ADAMTS6: variants seen among roughly 807,000 people sequenced by gnomAD.
ADAMTS6 encodes the protein ADAM metallopeptidase with thrombospondin type 1 motif 6, also known as A disintegrin and metalloproteinase with thrombospondin motifs 6.
Under a neutral mutation model 144.3 loss-of-function variants are expected in ADAMTS6, and 23 were observed. That is an observed-to-expected ratio of 0.16 (90% CI 0.11 to 0.23). The LOEUF (loss-of-function observed/expected upper bound fraction) is 0.23. Among genes scored for constraint, ADAMTS6 ranks in the 10% least tolerant of loss-of-function variants. ADAMTS6 has a pLI of 1.00. For missense variants in ADAMTS6, 999 were observed against 1,379.6 expected, an observed-to-expected ratio of 0.72 and a Z score of 4.37; for synonymous variants, 444 against 457.5, an observed-to-expected ratio of 0.97 and a Z score of 0.38.
intron 21 of ADAMTS6, among the ~76,000 whole-genome samples, chr5:65,191,043 G>A (rs1413426290): frequency 1.3e-5 from 2 of 152,028 alleles, no homozygotes; most frequent in African/African-American, 2.4e-5. Flanking sequence ...TAGACTTGGT[G>A]GCAAAAACAT....
At chr5:65,323,237 G>C (rs999658789) in intron 9 of ADAMTS6, among the ~76,000 whole-genome samples, 12 of 149,920 alleles carry the variant, frequency 8.0e-5, no homozygotes, top group African/African-American at 2.4e-4. Flanking sequence ...TTTAGCATTA[G>C]GTATATCTCC....
At chr5:65,423,108 G>A (rs1756212498) in intron 7 of ADAMTS6, among the ~76,000 whole-genome samples, 1 of 152,202 alleles carries the variant, frequency 6.6e-6, no homozygotes, top group Non-Finnish European at 1.5e-5. Flanking sequence ...ATAAATGGGA[G>A]CTAAGCAATG....
At chr5:65,441,747 C>G in intron 7 of ADAMTS6, among the ~76,000 whole-genome samples, 1 of 148,010 alleles carries the variant, frequency 6.8e-6, no homozygotes, top group Admixed American at 6.8e-5. Context: ...CACAGTGGAA[C>G]TAAATTAGAA....
chr5:65,372,448 G>T (rs1420977266), intron 7 of ADAMTS6, among the ~76,000 whole-genome samples: 1 of 151,528 alleles, frequency 6.6e-6, no homozygotes, highest in Non-Finnish European at 1.5e-5. Context: ...AAAGGCAGGG[G>T]TTGCAATCCT....
chr5:65,288,714 C>T (rs1345481308), intron 11 of ADAMTS6, among the ~76,000 whole-genome samples: 2 of 152,136 alleles, frequency 1.3e-5, no homozygotes, highest in Admixed American at 1.3e-4. Context: ...GATGTATCTC[C>T]TCTCAAAAAT....
chr5:65,259,788 T>C (rs55963623), intron 14 of ADAMTS6, among the ~76,000 whole-genome samples: 91,496 of 152,066 alleles, frequency 0.6, 28,902 homozygotes, highest in African/African-American at 0.81. Context: ...TGAAAAAAAT[T>C]CAGAAGTGAA....
At position 65,381,252 on chromosome 5, in the gene ADAMTS6, A is replaced by G. The variant is rs577826138; in HGVS notation, c.1074-47167T>C. On this transcript the variant is annotated intron_variant, in intron 7 of 24. Coordinates refer to ENST00000381055, the MANE Select transcript of ADAMTS6 (RefSeq NM_197941.4). Reference sequence around the variant, plus strand: ...TAAATGGTCAAGTACAGAAAAAAGCAAATGTGCTAGCTTTATTGTGACAGT... The same window carrying G: ...TAAATGGTCAAGTACAGAAAAAAGCGAATGTGCTAGCTTTATTGTGACAGT... 2.6e-5 allele frequency among the ~76,000 whole-genome samples: 4 copies of G among 152,366 alleles called. No individual in the cohort carries two copies. The East Asian group carries it at 7.7e-4, about 29-fold the overall frequency.
chr5:65,452,747 C>A lies in ADAMTS6; in HGVS notation c.803G>T (p.Arg268Leu), dbSNP rs1029158103. The change falls in exon 5 of 25, where the codon CGC (arginine) becomes CTC (leucine). Residue 268 changes from arginine to leucine, a missense_variant. Transcript: ENST00000381055. ...ADKMMVGYHG[R>L]KDIEHYILSV... Reference sequence around the variant, plus strand: ...CAAAATGTAATGTTCAATGTCTTTGCGGCCATGGTAGCCCACCATCATTTT... The same window carrying A: ...CAAAATGTAATGTTCAATGTCTTTGAGGCCATGGTAGCCCACCATCATTTT... 1 of 1,614,040 alleles carries A rather than the reference C, an allele frequency of 6.2e-7. No individual in the cohort carries two copies. The highest frequency in any genetic ancestry group is 1.1e-5 in the South Asian group (1 of 91,076).
At chr5:65,178,597 A>T (rs1211971978) in intron 22 of ADAMTS6, among the ~76,000 whole-genome samples, 1 of 152,210 alleles carries the variant, frequency 6.6e-6, no homozygotes. Context: ...GCCCTGGCCA[A>T]GGCCAGTGGC....
chr5:65,469,953 G>A (rs1561573112), intron 3 of ADAMTS6, among the ~76,000 whole-genome samples: 1 of 152,148 alleles, frequency 6.6e-6, no homozygotes, highest in Non-Finnish European at 1.5e-5. Context: ...AGAAGAGAAA[G>A]CATGGAAATT....
At chr5:65,292,657 T>C (rs980737573) in intron 10 of ADAMTS6, among the ~76,000 whole-genome samples, 1 of 152,128 alleles carries the variant, frequency 6.6e-6, no homozygotes, top group East Asian at 1.9e-4. Context: ...ATTCCTACGG[T>C]GATATAGAGT....
intron 3 of ADAMTS6, among the ~76,000 whole-genome samples, chr5:65,463,414 G>A (rs1264221799): frequency 6.6e-6 from 1 of 151,828 alleles, no homozygotes; most frequent in Non-Finnish European, 1.5e-5. Flanking sequence ...GAAGGGGAGA[G>A]TGATTATGAG....
chr5:65,338,473 A>G (rs1747513079), intron 7 of ADAMTS6, among the ~76,000 whole-genome samples: 1 of 152,268 alleles, frequency 6.6e-6, no homozygotes, highest in African/African-American at 2.4e-5. Flanking sequence ...AGGCATGGCT[A>G]TCAGAAGAAA....
intron 7 of ADAMTS6, among the ~76,000 whole-genome samples, chr5:65,362,014 C>T (rs986514645): frequency 2.6e-5 from 4 of 152,136 alleles, no homozygotes; most frequent in African/African-American, 9.7e-5. Context: ...GGATTACAGG[C>T]GAGAGCCACT....
At chr5:65,361,101 T>C (rs1561462847) in intron 7 of ADAMTS6, among the ~76,000 whole-genome samples, 7 of 152,192 alleles carry the variant, frequency 4.6e-5, no homozygotes, top group Admixed American at 4.6e-4. Flanking sequence ...GGAAGTGATT[T>C]AGCAGGCCAA....
chr5:65,347,196 A>T (rs986738289), intron 7 of ADAMTS6, among the ~76,000 whole-genome samples: 5 of 151,890 alleles, frequency 3.3e-5, no homozygotes, highest in African/African-American at 4.8e-5. Context: ...GAAAAAAAAA[A>T]TTCCTAAAAT....
chr5:65,188,530 C>T (rs1020604821), intron 21 of ADAMTS6, among the ~76,000 whole-genome samples: 32 of 152,204 alleles, frequency 2.1e-4, no homozygotes, highest in Middle Eastern at 3.4e-3. Flanking sequence ...AAAATTGTCA[C>T]GAGGGTTAAA....
chr5:65,315,565 A>C (rs1744907919), intron 9 of ADAMTS6, among the ~76,000 whole-genome samples: 1 of 152,142 alleles, frequency 6.6e-6, no homozygotes, highest in Admixed American at 6.5e-5. Context: ...CAGAGTGGCG[A>C]AAAATATAAG....
rs144238857 is a variant in ADAMTS6, at chr5:65,283,659, C to T, written c.1512+7670G>A. On this transcript the variant is annotated intron_variant, in intron 11 of 24. Transcript: ENST00000381055. ...ATTGAGGTGCTAAAATAATTACACA[C>T]CTTTTATTCCCTAAACCTGTATAAA... 3.3e-3 allele frequency among the ~76,000 whole-genome samples: 504 copies of T among 152,160 alleles called. 1 individual carries two copies. Among genetic ancestry groups the T allele is most frequent in the African/African-American group, 0.012 (488 of 41,512 alleles).
Sources: allele counts gnomAD v4.1 joint callset (sites outside exome capture counted in the v4.1 genomes callset), GRCh38; gene constraint gnomAD v4.1.1; transcripts MANE v1.5; gene names NCBI Gene and HGNC (gene_info 2026-07-23, HGNC 2026-07-21).